The following ITGA4 variants were observed in gnomAD, a reference collection of about 807,000 sequenced individuals.
The protein encoded by ITGA4 is integrin alpha-4.
ITGA4 carries 63 observed loss-of-function variants against 133.6 expected under a neutral mutation model. The ratio of observed to expected loss-of-function variants is 0.47; its 90% CI spans 0.38 to 0.58. ITGA4 has a LOEUF of 0.58. Among genes scored for constraint, ITGA4 ranks in the 20% least tolerant of loss-of-function variants. The pLI is 0.00. For missense variants in ITGA4, 1,076 were observed against 1,252.7 expected, an observed-to-expected ratio of 0.86 and a Z score of 2.13; for synonymous variants, 483 against 438.0, an observed-to-expected ratio of 1.10 and a Z score of -1.28.
intron 14 of ITGA4, among the ~76,000 whole-genome samples, chr2:181,496,154 A>G (rs1350994341): frequency 6.6e-6 from 1 of 152,166 alleles, no homozygotes; most frequent in Non-Finnish European, 1.5e-5. Context: ...TTGTTTAGAG[A>G]TTATGAGAAG....
At chr2:181,476,135 A>G (rs1685671186) in intron 4 of ITGA4, 2 of 254,766 alleles carry the variant, frequency 7.9e-6, no homozygotes, top group East Asian at 1.4e-4. Context: ...TATTACATAT[A>G]TTCCTATTTT....
intron 24 of ITGA4, among the ~76,000 whole-genome samples, 170 bp downstream of exon 24, chr2:181,530,819 C>T (rs1436698986): frequency 6.6e-6 from 1 of 152,090 alleles, no homozygotes; most frequent in Non-Finnish European, 1.5e-5. Flanking sequence ...GAGATAGACC[C>T]AGGGTCTATC....
intron 2 of ITGA4, chr2:181,458,547 C>T (rs968091516): frequency 1.8e-6 from 1 of 545,280 alleles, no homozygotes; most frequent in African/African-American, 1.9e-5. Flanking sequence ...ACTCTGACAA[C>T]TATGCTAGAG....
At chr2:181,520,994 A>G (rs1458922336) in intron 17 of ITGA4, among the ~76,000 whole-genome samples, 1 of 152,172 alleles carries the variant, frequency 6.6e-6, no homozygotes, top group African/African-American at 2.4e-5. Context: ...TATTTCCATA[A>G]ATAGTTTATT....
chr2:181,458,070 C>CG, intron 1 of ITGA4, 126 bp from the exon 2 acceptor site: 1 of 1,315,366 alleles, frequency 7.6e-7, no homozygotes, highest in Non-Finnish European at 1.1e-6. Context: ...AGCTTCGAGT[C>CG]GGGGGTGGTG....
At chr2:181,514,212 A>G (rs538431193) in intron 17 of ITGA4, among the ~76,000 whole-genome samples, 1 of 152,264 alleles carries the variant, frequency 6.6e-6, no homozygotes, top group South Asian at 2.1e-4. Context: ...ATATGTGGTA[A>G]TTGAAGGCAT....
At chr2:181,486,289 G>A (rs1200417586) in intron 10 of ITGA4, 2 of 244,046 alleles carry the variant, frequency 8.2e-6, no homozygotes, top group African/African-American at 2.3e-5. Context: ...CTATTAAGCT[G>A]TTACACCCAC....
intron 16 of ITGA4, among the ~76,000 whole-genome samples, chr2:181,511,430 C>CT (rs929985724): frequency 6.6e-5 from 10 of 152,002 alleles, no homozygotes; most frequent in African/African-American, 2.4e-4. Flanking sequence ...TTTCATTTAA[C>CT]TTTTTTTCCA....
chr2:181,522,242 G>A lies in ITGA4; in HGVS notation c.1974G>A (p.Met658Ile), dbSNP rs201430122. 251 of 1,540,884 alleles carry A rather than the reference G, an allele frequency of 1.6e-4. No individual in the cohort carries two copies. Among genetic ancestry groups the A allele is most frequent in the Non-Finnish European group, 2.1e-4 (243 of 1,131,850 alleles). The change falls in exon 18 of 28, where the codon ATG becomes ATA. Residue 658 changes from methionine to isoleucine, a missense_variant. Physicochemically the swap from Met to Ile is conservative, Grantham distance 10. Coordinates refer to ENST00000397033, the MANE Select transcript of ITGA4 (RefSeq NM_000885.6). ...CTGTTGGGAGTATGAAGACATTGATGTTGAATGTGTCCTTGTTTAATGCTG... is the reference window on the plus strand; with the variant it reads ...CTGTTGGGAGTATGAAGACATTGATATTGAATGTGTCCTTGTTTAATGCTG... ...YLAVGSMKTL[M>I]LNVSLFNAGD...
chr2:181,536,231 G>A lies in ITGA4; in HGVS notation c.*704G>A, dbSNP rs745888335. On this transcript the variant is annotated 3_prime_UTR_variant, in exon 28 of 28. Coordinates refer to ENST00000397033, the MANE Select transcript of ITGA4 (RefSeq NM_000885.6). ...TATGGATTTCACCATCTTTCTTTCT[G>A]TATATATACATGTGTTTTTATGTAG... 6.6e-6 allele frequency: 1 copy of A among 151,688 alleles called. No homozygotes were observed. The highest frequency in any genetic ancestry group is 2.4e-5 in the African/African-American group (1 of 41,298). The allele number at this position is 151,688 out of a possible 1,614,324, so 9.4% of individuals were successfully genotyped here.
intron 17 of ITGA4, among the ~76,000 whole-genome samples, chr2:181,513,328 A>G (rs1455306598): frequency 2.6e-5 from 4 of 152,048 alleles, no homozygotes; most frequent in South Asian, 4.1e-4. Context: ...TGGTTGCCCT[A>G]TAGTTTCAAT....
intron 3 of ITGA4, 31 bp downstream of exon 3, chr2:181,475,097 C>T (rs1685643954): frequency 4.3e-6 from 7 of 1,612,206 alleles, no homozygotes; most frequent in Middle Eastern, 1.6e-4. Flanking sequence ...ACAGATCCAT[C>T]GTGAAATCAG....
intron 2 of ITGA4, chr2:181,458,565 T>A: frequency 2.0e-6 from 1 of 498,602 alleles, no homozygotes; most frequent in Non-Finnish European, 3.6e-6. Context: ...GAGAAATTTC[T>A]TATGATACCT....
In ITGA4 at chr2:181,495,775, C is replaced by G. The variant is rs1686144501; in HGVS notation, c.1386-8C>G. 1 of 1,603,752 alleles carries G rather than the reference C, an allele frequency of 6.2e-7. No homozygotes were observed. The highest frequency in any genetic ancestry group is 1.1e-5 in the South Asian group (1 of 88,660). ...CAATTAACATTGCTACTTTTATTTCCTTCTCAGGACAAGACCTGTAGTAAT... is the reference window on the plus strand; with the variant it reads ...CAATTAACATTGCTACTTTTATTTCGTTCTCAGGACAAGACCTGTAGTAAT... On this transcript the variant is annotated splice_region_variant and splice_polypyrimidine_tract_variant and intron_variant, in intron 13 of 27. Coordinates refer to ENST00000397033, the MANE Select transcript of ITGA4 (RefSeq NM_000885.6). The surrounding 1 kb of genome is among the most constrained non-coding windows in gnomAD (Gnocchi z 4.3).
rs114615748 is a variant in ITGA4 at position 181,534,811 on chromosome 2, C to T, written c.2884-5C>T. 168 of 1,575,716 alleles carry T rather than the reference C, an allele frequency of 1.1e-4. No homozygotes were observed. In the African/African-American group the frequency reaches 1.3e-3, roughly 12 times the overall value. On this transcript the variant is annotated splice_region_variant and splice_polypyrimidine_tract_variant and intron_variant, in intron 26 of 27. Coordinates refer to ENST00000397033, the MANE Select transcript of ITGA4 (RefSeq NM_000885.6). The stretch of plus-strand genomic sequence containing the variant: ...TTTGAGTTTTATTTTTCTTAACTCA[C>T]GTAGGTTCTACTGGAAGGACTACAT...
chr2:181,458,313 G>C lies in ITGA4; in HGVS notation c.315G>C (p.Gln105His). Residue 105 changes from glutamine (Q) to histidine (H), a missense_variant, in exon 2 of 28, where the codon CAG (glutamine) becomes CAC (histidine). Transcript: ENST00000397033. Reference protein sequence around the residue: ...KNPGQTCEQLQLGSPNGEPCG... With the variant: ...KNPGQTCEQLHLGSPNGEPCG... ...CCGGCCAGACGTGCGAACAGCTCCA[G>C]CTGGGTGAGTTGGGTATGGGACCAG... 1 of 1,611,090 alleles carries C rather than the reference G, an allele frequency of 6.2e-7. No individual in the cohort carries two copies. Among genetic ancestry groups the C allele is most frequent in the East Asian group, 2.2e-5 (1 of 44,778 alleles).
chr2:181,472,637 T>C (rs1317444312), intron 2 of ITGA4, among the ~76,000 whole-genome samples: 2 of 152,226 alleles, frequency 1.3e-5, no homozygotes, highest in Non-Finnish European at 2.9e-5. Flanking sequence ...CAATTGATTT[T>C]AGTGAAAACT....
At position 181,538,165 on chromosome 2, in the gene ITGA4, T is replaced by C. The variant is rs1395156174; in HGVS notation, c.*2638T>C. On this transcript the variant is annotated 3_prime_UTR_variant, in exon 28 of 28. Coordinates refer to ENST00000397033, the MANE Select transcript of ITGA4 (RefSeq NM_000885.6). Reference sequence around the variant, plus strand: ...ATTAAAATTCTAGTTTGTACATTTCTTTTAGAAACAATTACATGTTACTTT... The same window carrying C: ...ATTAAAATTCTAGTTTGTACATTTCCTTTAGAAACAATTACATGTTACTTT... 2.6e-6 allele frequency: 4 copies of C among 1,511,370 alleles called. No individual in the cohort carries two copies. Among genetic ancestry groups the C allele is most frequent in the South Asian group, 1.1e-5 (1 of 88,686 alleles). The allele number at this position is 1,511,370 out of a possible 1,614,324, so 93.6% of individuals were successfully genotyped here. A position where few individuals can be genotyped will look rare whatever the true frequency, so the allele number is the denominator to read the frequency against.
At chr2:181,535,381 T>C (rs776464674) in intron 27 of ITGA4, 51 bp from the exon 28 acceptor site, 6 of 1,370,466 alleles carry the variant, frequency 4.4e-6, no homozygotes, top group Non-Finnish European at 6.1e-6. Context: ...GTATAGTAGA[T>C]AAGAGAGTGT....
Sources: allele counts gnomAD v4.1 joint callset (sites outside exome capture counted in the v4.1 genomes callset), GRCh38; gene constraint gnomAD v4.1.1; non-coding constraint Gnocchi (gnomAD v3.1); transcripts MANE v1.5; gene names NCBI Gene and HGNC (gene_info 2026-07-23, HGNC 2026-07-21).